CGNL1: variants seen among roughly 807,000 people sequenced by gnomAD.
CGNL1 encodes cingulin like 1.
In CGNL1, 132 loss-of-function variants were observed where a neutral mutation model predicts 141.2. That is an observed-to-expected ratio of 0.93 (90% CI 0.81 to 1.08). The LOEUF is 1.08. Ranked by LOEUF, CGNL1 falls within the 50% of genes least tolerant of loss-of-function variation. CGNL1 has a pLI of 0.00. For synonymous variants in CGNL1, 690 were observed against 622.1 expected (o/e 1.11, Z -1.63); for missense variants, 1,870 against 1,588.6 (o/e 1.18, Z -3.01).
chr15:57,470,024 CA>C (rs1328336574), intron 8 of CGNL1, among the ~76,000 whole-genome samples: 41 of 152,156 alleles, frequency 2.7e-4, no homozygotes, highest in African/African-American at 9.4e-4. Context: ...GCTAGGGAAA[CA>C]GCAAAAATTC....
At chr15:57,415,375 CAAG>C (rs2062837481) in intron 1 of CGNL1, among the ~76,000 whole-genome samples, 2 of 152,054 alleles carry the variant, frequency 1.3e-5, no homozygotes, top group Non-Finnish European at 2.9e-5. Flanking sequence ...AGTTGGAATC[CAAG>C]AAGGAGATGT....
chr15:57,442,803 G>A (rs1482653015), intron 4 of CGNL1, among the ~76,000 whole-genome samples: 1 of 152,066 alleles, frequency 6.6e-6, no homozygotes, highest in East Asian at 1.9e-4. Flanking sequence ...GTTTTTAGTA[G>A]GGTGAGGGTT....
intron 14 of CGNL1, among the ~76,000 whole-genome samples, chr15:57,538,641 GC>G (rs2032395365): frequency 6.6e-6 from 1 of 152,192 alleles, no homozygotes. Context: ...CACTGAGGGT[GC>G]AAGACTGTGG....
chr15:57,475,792 C>T (rs2063648432), intron 8 of CGNL1, among the ~76,000 whole-genome samples: 1 of 152,074 alleles, frequency 6.6e-6, no homozygotes. Context: ...TTGCTTTCTT[C>T]TTTCCCCCGG....
At chr15:57,427,943 G>C (rs1595692892) in intron 1 of CGNL1, among the ~76,000 whole-genome samples, 1 of 152,032 alleles carries the variant, frequency 6.6e-6, no homozygotes, top group South Asian at 2.1e-4. Context: ...GATGCCTGAA[G>C]GATGGGTATT....
intron 1 of CGNL1, among the ~76,000 whole-genome samples, chr15:57,413,386 C>T (rs566202704): frequency 1.3e-5 from 2 of 152,238 alleles, no homozygotes; most frequent in South Asian, 4.1e-4. Context: ...AAGCCATCCT[C>T]CGAGCTCAGC....
Position 57,518,427 on chromosome 15 carries a change from A to C in CGNL1, c.2645A>C (p.His882Pro). ...EIRQLEEALV[H>P]ARKEEKEAVS... ...CGACAGTTAGAGGAGGCCCTTGTGCACGCCAGAAAGGAAGAAAAAGAAGCT... is the reference window on the plus strand; with the variant it reads ...CGACAGTTAGAGGAGGCCCTTGTGCCCGCCAGAAAGGAAGAAAAAGAAGCT... Residue 882 changes from histidine to proline, a missense_variant, in exon 10 of 19, where the codon CAC (histidine) becomes CCC (proline). His to Pro is a moderately conservative substitution (Grantham distance 77). Transcript: ENST00000281282. The C allele has an allele frequency of 6.2e-7, 1 of 1,613,544 alleles. No individual in the cohort carries two copies. The highest frequency in any genetic ancestry group is 8.5e-7 in the Non-Finnish European group (1 of 1,179,764).
chr15:57,461,754 GC>G lies in CGNL1; in HGVS notation c.2266del (p.Arg756GlufsTer8). On this transcript the variant is annotated frameshift_variant, in exon 8 of 19. Coordinates refer to ENST00000281282, the MANE Select transcript of CGNL1 (RefSeq NM_032866.5). LOFTEE classifies it high-confidence loss of function. ...KEEQEDLLRK[R>X]ERELTALKGA... ...AGGAGCAAGAAGACCTCTTGAGAAAGCGAGAGCGTGAACTCACCGCCCTGAA... is the reference window on the plus strand; with the variant it reads ...AGGAGCAAGAAGACCTCTTGAGAAAGGAGAGCGTGAACTCACCGCCCTGAA... 6.2e-7 allele frequency: 1 copy of G among 1,614,164 alleles called. No homozygotes were observed. The highest frequency in any genetic ancestry group is 8.5e-7 in the Non-Finnish European group (1 of 1,180,024).
At chr15:57,465,117 G>A (rs2063495235) in intron 8 of CGNL1, among the ~76,000 whole-genome samples, 1 of 152,062 alleles carries the variant, frequency 6.6e-6, no homozygotes, top group African/African-American at 2.4e-5. Flanking sequence ...TGCTTCTGAA[G>A]GTGGCTGCTT....
intron 12 of CGNL1, among the ~76,000 whole-genome samples, chr15:57,526,477 G>A (rs993929509): frequency 1.3e-5 from 2 of 151,620 alleles, no homozygotes; most frequent in Non-Finnish European, 2.9e-5. Context: ...GAAGATCTTG[G>A]TTAAAAAAAA....
chr15:57,455,558 T>C lies in CGNL1; in HGVS notation c.2190+1740T>C, dbSNP rs577693858. ...CACATATTTTGTATCTTTCTTCTGC[T>C]AGCCAGCTAATTCAAGAGCAATCAC... is the stretch of plus-strand genomic sequence containing the variant. On this transcript the variant is annotated intron_variant, in intron 7 of 18. Coordinates refer to ENST00000281282, the MANE Select transcript of CGNL1 (RefSeq NM_032866.5). Among the ~76,000 whole-genome samples the C allele has an allele frequency of 6.6e-5, 10 of 152,338 alleles. 1 individual carries two copies. The highest frequency in any genetic ancestry group is 2.2e-4 in the African/African-American group (9 of 41,572).
In CGNL1 at chr15:57,528,834, G is replaced by A. The variant is rs2031783906; in HGVS notation, c.3201+19G>A. 4.3e-6 allele frequency: 7 copies of A among 1,611,508 alleles called. No individual in the cohort carries two copies. Among genetic ancestry groups the A allele is most frequent in the Non-Finnish European group, 5.1e-6 (6 of 1,179,032 alleles). On this transcript the variant is annotated intron_variant, in intron 13 of 18. Coordinates refer to ENST00000281282, the MANE Select transcript of CGNL1 (RefSeq NM_032866.5). ...GATGGAGGTCTGTGGGCCGTACAGT[G>A]TGAGCTGGGGGACCTGCAGAGAGCG... is the stretch of plus-strand genomic sequence containing the variant.
chr15:57,426,858 C>T (rs1282646361), intron 1 of CGNL1, among the ~76,000 whole-genome samples: 1 of 152,130 alleles, frequency 6.6e-6, no homozygotes, highest in Admixed American at 6.6e-5. Context: ...TTCATTTCCA[C>T]ATATAATTTG....
chr15:57,464,133 C>T (rs1567134465), intron 8 of CGNL1, among the ~76,000 whole-genome samples: 1 of 151,286 alleles, frequency 6.6e-6, no homozygotes, highest in Non-Finnish European at 1.5e-5. Flanking sequence ...AGACAGGGAG[C>T]ATAAATGAGT....
chr15:57,452,401 C>T, intron 6 of CGNL1, 112 bp downstream of exon 6: 1 of 971,612 alleles, frequency 1.0e-6, no homozygotes, highest in Non-Finnish European at 1.5e-6. Context: ...ATAAAGGCAG[C>T]TGGCTTTTCC....
chr15:57,472,154 G>T (rs1008163903), intron 8 of CGNL1, among the ~76,000 whole-genome samples: 6 of 151,998 alleles, frequency 3.9e-5, no homozygotes, highest in African/African-American at 1.5e-4. Context: ...AAGTTTCCTT[G>T]AGGAAAACGA....
intron 1 of CGNL1, among the ~76,000 whole-genome samples, chr15:57,421,682 C>T (rs1023592566): frequency 6.6e-6 from 1 of 152,086 alleles, no homozygotes; most frequent in African/African-American, 2.4e-5. Context: ...GCAGGAAACA[C>T]CCTGAGAAGG....
At chr15:57,463,628 T>G (rs1480433934) in intron 8 of CGNL1, among the ~76,000 whole-genome samples, 1 of 152,224 alleles carries the variant, frequency 6.6e-6, no homozygotes, top group African/African-American at 2.4e-5. Flanking sequence ...CCAGCAACTT[T>G]CCTTACAAAA....
intron 10 of CGNL1, among the ~76,000 whole-genome samples, chr15:57,522,912 G>A (rs2031363606): frequency 6.6e-6 from 1 of 152,152 alleles, no homozygotes; most frequent in South Asian, 2.1e-4. Context: ...CAACCTGTGT[G>A]TTTCCAAATT....
Sources: allele counts gnomAD v4.1 joint callset (sites outside exome capture counted in the v4.1 genomes callset), GRCh38; gene constraint gnomAD v4.1.1; transcripts MANE v1.5; gene names NCBI Gene and HGNC (gene_info 2026-07-23, HGNC 2026-07-21).